The following AAK1 variants were observed in gnomAD, a reference collection of about 807,000 sequenced individuals.
The protein encoded by AAK1 is AP2-associated protein kinase 1.
A neutral mutation model predicts 116.0 loss-of-function variants in AAK1; 37 were observed. The observed-to-expected ratio is 0.32, with a 90% CI of 0.25 to 0.42. The LOEUF is 0.42. AAK1 is among the 10% of genes least tolerant of loss of function. The pLI is 1.00. For synonymous variants in AAK1, 458 were observed against 439.9 expected, an observed-to-expected ratio of 1.04 and a Z score of -0.51; for missense variants, 919 against 1,170.6, an observed-to-expected ratio of 0.79 and a Z score of 3.14.
At chr2:69,624,334 A>C (rs1396020515) in intron 2 of AAK1, among the ~76,000 whole-genome samples, 1 of 152,252 alleles carries the variant, frequency 6.6e-6, no homozygotes, top group Admixed American at 6.5e-5. Context: ...TAAAAATAGG[A>C]AATTGGTTAA....
intron 2 of AAK1, among the ~76,000 whole-genome samples, chr2:69,570,716 G>A (rs1175725502): frequency 6.6e-6 from 1 of 152,118 alleles, no homozygotes; most frequent in Non-Finnish European, 1.5e-5. Context: ...TAGATGTTTG[G>A]CAAATTAATA....
At chr2:69,575,871 C>T (rs1327294917) in intron 2 of AAK1, among the ~76,000 whole-genome samples, 2 of 152,120 alleles carry the variant, frequency 1.3e-5, no homozygotes, top group Non-Finnish European at 2.9e-5. Flanking sequence ...GTTACTGATC[C>T]TGTCTTTATT....
At chr2:69,621,254 T>G (rs1573015259) in intron 2 of AAK1, among the ~76,000 whole-genome samples, 1 of 152,166 alleles carries the variant, frequency 6.6e-6, no homozygotes, top group African/African-American at 2.4e-5. Flanking sequence ...AACTAAGGCA[T>G]CACCTGAGGT....
chr2:69,565,280 G>T (rs1380097573), intron 2 of AAK1, among the ~76,000 whole-genome samples: 1 of 152,204 alleles, frequency 6.6e-6, no homozygotes, highest in Non-Finnish European at 1.5e-5. Flanking sequence ...AAAACAGCTG[G>T]ATCTTTAGGT....
chr2:69,554,294 C>T (rs992138018), intron 3 of AAK1, among the ~76,000 whole-genome samples: 1 of 151,814 alleles, frequency 6.6e-6, no homozygotes, highest in Admixed American at 6.6e-5. Context: ...CCATTAAATG[C>T]GTCTAAAAAA....
intron 16 of AAK1, among the ~76,000 whole-genome samples, chr2:69,497,645 G>C (rs531806210): frequency 1.3e-5 from 2 of 151,068 alleles, no homozygotes; most frequent in East Asian, 3.9e-4. Context: ...CAGTTTGTTC[G>C]TTAATTAAAA....
At chr2:69,597,095 C>A (rs1325847345) in intron 2 of AAK1, among the ~76,000 whole-genome samples, 9 of 151,498 alleles carry the variant, frequency 5.9e-5, no homozygotes, top group Admixed American at 3.9e-4. Context: ...ACACACAAAA[C>A]AACAAAAAAT....
chr2:69,523,964 G>A (rs1558933943), intron 10 of AAK1, among the ~76,000 whole-genome samples: 3 of 152,234 alleles, frequency 2.0e-5, no homozygotes, highest in Admixed American at 2.0e-4. Flanking sequence ...GGCACTCCCA[G>A]CCTTTCCTGG....
chr2:69,495,233 A>C (rs1035877349), intron 17 of AAK1, among the ~76,000 whole-genome samples: 1 of 152,178 alleles, frequency 6.6e-6, no homozygotes, highest in African/African-American at 2.4e-5. Flanking sequence ...TACGGAAGGA[A>C]GGCCGGAAGG....
chr2:69,465,925 G>A lies in AAK1; in HGVS notation c.*9944C>T. On this transcript the variant is annotated 3_prime_UTR_variant, in exon 22 of 22. Coordinates refer to ENST00000409085, the MANE Select transcript of AAK1 (RefSeq NM_014911.5). ...TGACTGAGGAGACCGGTCTGTGCAG[G>A]CAGCTCCTGGGAGGTGCATTGGATA... 7.7e-7 allele frequency: 1 copy of A among 1,290,922 alleles called. No individual in the cohort carries two copies. Among genetic ancestry groups the A allele is most frequent in the Non-Finnish European group, 1.0e-6 (1 of 988,878 alleles). 80.0% of individuals were successfully genotyped at this position (1,290,922 alleles called of 1,614,324 possible).
At chr2:69,631,693 T>C (rs1008675610) in intron 2 of AAK1, among the ~76,000 whole-genome samples, 1 of 152,168 alleles carries the variant, frequency 6.6e-6, no homozygotes, top group Non-Finnish European at 1.5e-5. Context: ...AGAAGTGGGA[T>C]TGTTTTAAGG....
intron 17 of AAK1, among the ~76,000 whole-genome samples, chr2:69,488,756 A>C (rs1675402047): frequency 6.6e-6 from 1 of 152,136 alleles, no homozygotes; most frequent in South Asian, 2.1e-4. Flanking sequence ...GAATAAAGTG[A>C]AAGGTGGGGA....
chr2:69,469,043 G>A lies in AAK1; in HGVS notation c.*6826C>T, dbSNP rs1007319407. ...ATTAGTCTCCTGTCCTTCAAAACAAGGACAAGAGCTATTTCCTATCTTTCT... is the reference window on the plus strand; with the variant it reads ...ATTAGTCTCCTGTCCTTCAAAACAAAGACAAGAGCTATTTCCTATCTTTCT... On this transcript the variant is annotated 3_prime_UTR_variant, in exon 22 of 22. Transcript: ENST00000409085. The A allele has an allele frequency of 1.0e-6, 1 of 985,422 alleles. No individual in the cohort carries two copies. Among genetic ancestry groups the A allele is most frequent in the Non-Finnish European group, 1.2e-6 (1 of 829,920 alleles). 61.0% of individuals were successfully genotyped at this position (985,422 alleles called of 1,614,324 possible).
At chr2:69,640,079 T>TCCC (rs568869134) in intron 2 of AAK1, among the ~76,000 whole-genome samples, 2 of 136,418 alleles carry the variant, frequency 1.5e-5, no homozygotes, top group Non-Finnish European at 1.6e-5. Context: ...TCTCTCTCTC[T>TCCC]CCCCCCCCAC....
chr2:69,562,652 G>A (rs1442255191), intron 2 of AAK1, among the ~76,000 whole-genome samples: 2 of 152,178 alleles, frequency 1.3e-5, no homozygotes, highest in African/African-American at 2.4e-5. Flanking sequence ...AGCATTTTGG[G>A]AGGTCGAGGC....
chr2:69,619,639 G>A (rs987741977), intron 2 of AAK1, among the ~76,000 whole-genome samples: 4 of 152,118 alleles, frequency 2.6e-5, no homozygotes, highest in Non-Finnish European at 4.4e-5. Flanking sequence ...GAGTGCTGCC[G>A]GGAGGGAGGG....
In AAK1 at chr2:69,592,178, C is replaced by T. The variant is rs147151260; in HGVS notation, c.164-35200G>A. The stretch of plus-strand genomic sequence containing the variant: ...ATACAATTTTCAAGAAATAGTCGAC[C>T]TGAGTATTCCACTCAGCCAATGACT... On this transcript the variant is annotated intron_variant, in intron 2 of 21. Coordinates refer to ENST00000409085, the MANE Select transcript of AAK1 (RefSeq NM_014911.5). Among the ~76,000 whole-genome samples, 15 of 152,326 alleles carry T rather than the reference C, an allele frequency of 9.8e-5. No homozygotes were observed. In the East Asian group the frequency reaches 2.5e-3, roughly 25 times the overall value.
At chr2:69,542,994 G>A (rs931144979) in intron 4 of AAK1, among the ~76,000 whole-genome samples, 26 of 152,242 alleles carry the variant, frequency 1.7e-4, no homozygotes, top group Non-Finnish European at 3.7e-4. Context: ...TGTTCGTTGT[G>A]TATGAGACAT....
chr2:69,500,690 T>TACAC (rs1223699900), intron 16 of AAK1, among the ~76,000 whole-genome samples: 7 of 114,032 alleles, frequency 6.1e-5, no homozygotes, highest in East Asian at 2.6e-4. Context: ...TATATATATA[T>TACAC]ATATATATAC....
Sources: allele counts gnomAD v4.1 joint callset (sites outside exome capture counted in the v4.1 genomes callset), GRCh38; gene constraint gnomAD v4.1.1; transcripts MANE v1.5; gene names NCBI Gene and HGNC (gene_info 2026-07-23, HGNC 2026-07-21).